The following ARHGEF9 variants were observed in gnomAD, a reference collection of about 807,000 sequenced individuals.
The protein encoded by ARHGEF9 is rho guanine nucleotide exchange factor 9.
In ARHGEF9, 2 loss-of-function variants were observed where a neutral mutation model predicts 41.3. That is an observed-to-expected ratio of 0.05 (90% confidence interval 0.02 to 0.15). ARHGEF9 has a LOEUF of 0.15. ARHGEF9 is among the 10% of genes least tolerant of loss of function. The probability of loss-of-function intolerance (pLI) is 1.00; values close to 1 mark genes in which losing one functional copy is unlikely to be tolerated. For synonymous variants in ARHGEF9, 160 were observed against 154.4 expected (o/e 1.04, Z -0.27); for missense variants, 225 against 424.7 (o/e 0.53, Z 4.13).
chrX:63,692,643 T>C (rs147695172), intron 4 of ARHGEF9, among the ~76,000 whole-genome samples: 29 of 111,685 alleles, frequency 2.6e-4, no homozygotes, highest in African/African-American at 7.5e-4. Flanking sequence ...TTATGGAAAA[T>C]GGTATGGAAA....
rs2147114604 is a variant in ARHGEF9 at position 63,638,152 on chromosome X, T to C, written c.1448A>G (p.Asn483Ser). The C allele has an allele frequency of 8.3e-7, 1 of 1,201,832 alleles. No homozygotes were observed. The highest frequency in any genetic ancestry group is 1.1e-6 in the Non-Finnish European group (1 of 890,731). ...GTCGGGGACCAGGTACTGGCCGTGG[T>C]TTAACGGGTCCTGCGGTGGTGGGTA... ...PSYPPPQDPL[N>S]HGQYLVPDGI... Residue 483 changes from asparagine to serine, a missense_variant, in exon 10 of 10, where the codon AAC becomes AGC. Around this residue, in one of 3 missense-constraint regions of ARHGEF9, gnomAD observed 75 missense variants for 113.2 expected, o/e 0.66. Coordinates refer to ENST00000671741, the MANE Select transcript of ARHGEF9 (RefSeq NM_001353921.2).
intron 3 of ARHGEF9, chrX:63,701,528 T>C (rs1556395711): frequency 8.9e-6 from 1 of 112,059 alleles, no homozygotes; most frequent in African/African-American, 3.2e-5. Context: ...GTCAACTAAA[T>C]GCTAATTAGT....
intron 9 of ARHGEF9, chrX:63,640,807 T>A (rs1326287664): frequency 1.8e-5 from 2 of 111,472 alleles, no homozygotes; most frequent in African/African-American, 6.5e-5. Context: ...CTCTTAACAA[T>A]GCCCCTCACT....
intron 7 of ARHGEF9, among the ~76,000 whole-genome samples, chrX:63,663,720 A>G (rs367940476): frequency 1.8e-5 from 2 of 112,017 alleles, no homozygotes; most frequent in South Asian, 3.8e-4. Flanking sequence ...AAAGGTCCCT[A>G]AACAACCCAG....
intron 6 of ARHGEF9, among the ~76,000 whole-genome samples, chrX:63,673,446 G>A (rs1556357918): frequency 9.0e-6 from 1 of 111,191 alleles, no homozygotes; most frequent in East Asian, 2.8e-4. Flanking sequence ...AGGAAGGGAA[G>A]GTCTTTCAGA....
chrX:63,753,005 G>A (rs1382468395), intron 1 of ARHGEF9, among the ~76,000 whole-genome samples: 1 of 112,554 alleles, frequency 8.9e-6, no homozygotes, highest in Non-Finnish European at 1.9e-5. Context: ...GGGAAAGCCT[G>A]CCTACATTAA....
At chrX:63,667,718 G>T (rs1163733844) in intron 6 of ARHGEF9, among the ~76,000 whole-genome samples, 1 of 110,224 alleles carries the variant, frequency 9.1e-6, no homozygotes, top group African/African-American at 3.3e-5. Flanking sequence ...CCCCACTGCC[G>T]AAAAAAAGCT....
intron 8 of ARHGEF9, among the ~76,000 whole-genome samples, chrX:63,650,698 C>T (rs1338517884): frequency 9.0e-6 from 1 of 110,665 alleles, no homozygotes; most frequent in African/African-American, 3.3e-5. Flanking sequence ...TGATGAATAT[C>T]GCAATTACCC....
intron 6 of ARHGEF9, among the ~76,000 whole-genome samples, chrX:63,667,718 G>GA (rs1387868751): frequency 9.1e-5 from 10 of 110,277 alleles, no homozygotes; most frequent in African/African-American, 2.3e-4. Flanking sequence ...CCCCACTGCC[G>GA]AAAAAAAGCT....
At chrX:63,727,756 G>A (rs1175450243) in intron 1 of ARHGEF9, 2 of 112,059 alleles carry the variant, frequency 1.8e-5, no homozygotes, top group East Asian at 5.6e-4. Flanking sequence ...TTCTAAACAC[G>A]TTATATACAT....
At position 63,646,258 on chromosome X, in the gene ARHGEF9, CT is replaced by C. The variant is rs782069481; in HGVS notation, c.1322-2211del. On this transcript the variant is annotated intron_variant, in intron 8 of 9. Coordinates refer to ENST00000671741, the MANE Select transcript of ARHGEF9 (RefSeq NM_001353921.2). ...ATTAGATCTCATTTGTCAATTTTGG[CT>C]TTTGTTGCCATTGCTTTTAGTGTTT... 4.5e-3 allele frequency among the ~76,000 whole-genome samples: 505 copies of C among 112,032 alleles called. 2 individuals are homozygous for C. Among genetic ancestry groups the C allele is most frequent in the Middle Eastern group, 9.2e-3 (2 of 217 alleles).
At position 63,635,095 on chromosome X, in the gene ARHGEF9, A is replaced by C. The variant is rs1463819932; in HGVS notation, c.*2933T>G. 1 of 329,522 alleles carries C rather than the reference A, an allele frequency of 3.0e-6. No homozygotes were observed. The highest frequency in any genetic ancestry group is 5.2e-6 in the Non-Finnish European group (1 of 192,652). 27.2% of individuals were successfully genotyped at this position (329,522 alleles called of 1,213,427 possible). On this transcript the variant is annotated 3_prime_UTR_variant, in exon 10 of 10. Coordinates refer to ENST00000671741, the MANE Select transcript of ARHGEF9 (RefSeq NM_001353921.2). ...CTTGTTTGACAGAGTCAGTCAGATA[A>C]AAGAAACAAAAGAATAAACTGGCAA...
intron 2 of ARHGEF9, among the ~76,000 whole-genome samples, chrX:63,710,295 A>AG (rs1355256589): frequency 1.5e-4 from 13 of 87,168 alleles, no homozygotes; most frequent in Non-Finnish European, 2.2e-4. Context: ...CCCACATGGG[A>AG]GAAAAAAAAA....
intron 4 of ARHGEF9, among the ~76,000 whole-genome samples, chrX:63,684,586 T>C (rs1464521009): frequency 4.5e-5 from 5 of 111,517 alleles, no homozygotes; most frequent in African/African-American, 1.3e-4. Context: ...CCCATGTTCA[T>C]TGCAGTACTA....
intron 1 of ARHGEF9, among the ~76,000 whole-genome samples, chrX:63,784,835 G>C (rs1556464328): frequency 9.0e-6 from 1 of 111,224 alleles, no homozygotes; most frequent in Non-Finnish European, 1.9e-5. Flanking sequence ...TGACCCCTGG[G>C]ATGTTCCTGG....
In ARHGEF9 at chrX:63,720,919, T is replaced by C. The variant is rs138842374; in HGVS notation, c.210+3613A>G. On this transcript the variant is annotated intron_variant, in intron 2 of 9. Transcript: ENST00000671741. Reference sequence around the variant, plus strand: ...ACTAGAAGATCTGGCCCCTCTGGGCTTTCCTCTCCACTATATCCCACTCTA... The same window carrying C: ...ACTAGAAGATCTGGCCCCTCTGGGCCTTCCTCTCCACTATATCCCACTCTA... Among the ~76,000 whole-genome samples, 251 of 112,229 alleles carry C rather than the reference T, an allele frequency of 2.2e-3. 1 individual carries two copies. Among genetic ancestry groups the C allele is most frequent in the African/African-American group, 7.6e-3 (234 of 30,906 alleles).
Position 63,690,210 on chromosome X carries a change from GT to G in ARHGEF9, c.582+6914del, listed in dbSNP as rs1318176757. Among the ~76,000 whole-genome samples, 7 of 109,774 alleles carry G rather than the reference GT, an allele frequency of 6.4e-5. No individual in the cohort carries two copies. The South Asian group carries it at 1.9e-3, about 30-fold the overall frequency. ...CAAAAGATCAATGAAATGAAAAGTTGTTTTTTTTGAAAAGATACTCAAAATC... is the reference window on the plus strand; with the variant it reads ...CAAAAGATCAATGAAATGAAAAGTTGTTTTTTTGAAAAGATACTCAAAATC... On this transcript the variant is annotated intron_variant, in intron 4 of 9. Coordinates refer to ENST00000671741, the MANE Select transcript of ARHGEF9 (RefSeq NM_001353921.2).
intron 1 of ARHGEF9, among the ~76,000 whole-genome samples, chrX:63,761,230 G>A (rs781939466): frequency 3.6e-5 from 4 of 111,693 alleles, no homozygotes; most frequent in South Asian, 7.6e-4. Flanking sequence ...TGAGCTTTTG[G>A]GGAGACAAGA....
At chrX:63,740,570 CTG>C (rs2054895291) in intron 1 of ARHGEF9, among the ~76,000 whole-genome samples, 1 of 112,316 alleles carries the variant, frequency 8.9e-6, no homozygotes, top group East Asian at 2.8e-4. Context: ...CTGAGACACA[CTG>C]TAAGAGGCAG....
Sources: allele counts gnomAD v4.1 joint callset (sites outside exome capture counted in the v4.1 genomes callset), GRCh38; gene constraint gnomAD v4.1.1; regional missense constraint gnomAD v4.1.1; transcripts MANE v1.5; gene names NCBI Gene and HGNC (gene_info 2026-07-23, HGNC 2026-07-21).